Variants in RNF220 observed in about 807,000 individuals in gnomAD.
The protein encoded by RNF220 is ring finger protein 220.
Under a neutral mutation model 67.1 loss-of-function variants are expected in RNF220, and 7 were observed. That is an observed-to-expected ratio of 0.10 (90% CI 0.06 to 0.20). The LOEUF (loss-of-function observed/expected upper bound fraction) is 0.20, where lower values mean the gene tolerates loss of function less well. Among genes scored for constraint, RNF220 ranks in the 10% least tolerant of loss-of-function variants. The probability of loss-of-function intolerance (pLI) is 1.00; values close to 1 mark genes in which losing one functional copy is unlikely to be tolerated. For synonymous variants in RNF220, 270 were observed against 283.2 expected, an observed-to-expected ratio of 0.95 and a Z score of 0.47; for missense variants, 565 against 740.3, an observed-to-expected ratio of 0.76 and a Z score of 2.75.
intron 9 of RNF220, 27 bp downstream of exon 9, chr1:44,644,821 G>A (rs1376940885): frequency 6.3e-7 from 1 of 1,590,028 alleles, no homozygotes; most frequent in Non-Finnish European, 8.6e-7. Flanking sequence ...ATGGGGGCTG[G>A]TGGGGCTGAT....
chr1:44,406,460 G>A (rs1647340026), intron 1 of RNF220, among the ~76,000 whole-genome samples: 2 of 152,256 alleles, frequency 1.3e-5, no homozygotes, highest in Admixed American at 1.3e-4. Context: ...TCGTGGAGAC[G>A]AGGGCTACTT....
chr1:44,480,164 G>T (rs1009730761), intron 2 of RNF220, among the ~76,000 whole-genome samples: 1 of 152,190 alleles, frequency 6.6e-6, no homozygotes, highest in Non-Finnish European at 1.5e-5. Flanking sequence ...AGCACTTTGG[G>T]AGGCCAAGGC....
chr1:44,482,920 C>CTTTTTTTT (rs34268893), intron 2 of RNF220, among the ~76,000 whole-genome samples: 35 of 69,122 alleles, frequency 5.1e-4, no homozygotes, highest in Non-Finnish European at 7.2e-4. Context: ...CACACCCAGC[C>CTTTTTTTT]TTTTTTTTTT....
chr1:44,541,397 C>G (rs1466403900), intron 2 of RNF220, among the ~76,000 whole-genome samples: 1 of 152,190 alleles, frequency 6.6e-6, no homozygotes, highest in Non-Finnish European at 1.5e-5. Flanking sequence ...CACTGCACCC[C>G]AGTCTGGGTG....
At chr1:44,480,378 G>T (rs567744017) in intron 2 of RNF220, among the ~76,000 whole-genome samples, 51 of 152,228 alleles carry the variant, frequency 3.4e-4, no homozygotes, top group African/African-American at 1.2e-3. Flanking sequence ...CTACACTCCA[G>T]CCTGGGCAAC....
chr1:44,549,226 T>C (rs530583687), intron 2 of RNF220, among the ~76,000 whole-genome samples: 3 of 152,268 alleles, frequency 2.0e-5, no homozygotes, highest in South Asian at 2.1e-4. Flanking sequence ...AGCTATGATG[T>C]AGCATTGCAA....
intron 2 of RNF220, among the ~76,000 whole-genome samples, chr1:44,571,942 T>G (rs1280101111): frequency 6.6e-6 from 1 of 152,200 alleles, no homozygotes; most frequent in Admixed American, 6.5e-5. Flanking sequence ...ATCCTACCCT[T>G]AAATAGCTCT....
At chr1:44,633,940 T>C (rs1377818613) in intron 6 of RNF220, among the ~76,000 whole-genome samples, 1 of 152,252 alleles carries the variant, frequency 6.6e-6, no homozygotes, top group Non-Finnish European at 1.5e-5. Flanking sequence ...TCGATCTGTG[T>C]CCACAAAGTC....
At chr1:44,568,044 A>G (rs1293297199) in intron 2 of RNF220, among the ~76,000 whole-genome samples, 2 of 152,206 alleles carry the variant, frequency 1.3e-5, no homozygotes, top group Admixed American at 6.5e-5. Flanking sequence ...CACACAGAGA[A>G]TCAGCGCTGT....
At chr1:44,562,450 G>A (rs767061856) in intron 2 of RNF220, among the ~76,000 whole-genome samples, 3 of 152,128 alleles carry the variant, frequency 2.0e-5, no homozygotes, top group South Asian at 2.1e-4. Context: ...CCTCTGCCTC[G>A]CTGACTTTGG....
At chr1:44,572,940 C>A in intron 2 of RNF220, 2 of 367,430 alleles carry the variant, frequency 5.4e-6, no homozygotes, top group Non-Finnish European at 1.1e-5. Flanking sequence ...AGGTGGAAAT[C>A]ACGTTGAATG....
At position 44,622,277 on chromosome 1, in the gene RNF220, CAG is replaced by C. The variant is rs1643829695; in HGVS notation, c.759-464_759-463del. Among the ~76,000 whole-genome samples the C allele has an allele frequency of 6.6e-6, 1 of 152,186 alleles. No homozygotes were observed. Among genetic ancestry groups the C allele is most frequent in the African/African-American group, 2.4e-5 (1 of 41,438 alleles). Reference sequence around the variant, plus strand: ...AGGGCCTGGGGCTGACAAATTGAATCAGGGGGAGATCATTCCTGGCCTAACAC... The same window carrying C: ...AGGGCCTGGGGCTGACAAATTGAATCGGGGAGATCATTCCTGGCCTAACAC... On this transcript the variant is annotated intron_variant, in intron 3 of 14. Transcript: ENST00000361799. This position sits in a 1 kb window ranked among gnomAD's most constrained non-coding sequence, Gnocchi z 4.3.
intron 2 of RNF220, among the ~76,000 whole-genome samples, chr1:44,528,825 G>A (rs1238513688): frequency 6.7e-6 from 1 of 149,886 alleles, no homozygotes; most frequent in Non-Finnish European, 1.5e-5. Context: ...TGCTTGTCAG[G>A]CTGGTCTTTA....
chr1:44,576,613 C>T (rs892307776), intron 2 of RNF220, among the ~76,000 whole-genome samples: 2 of 152,060 alleles, frequency 1.3e-5, no homozygotes, highest in Non-Finnish European at 2.9e-5. Flanking sequence ...CAGTGTAAAC[C>T]GGATTTGCCT....
At chr1:44,549,768 C>T (rs187473300) in intron 2 of RNF220, among the ~76,000 whole-genome samples, 1 of 152,308 alleles carries the variant, frequency 6.6e-6, no homozygotes, top group Admixed American at 6.5e-5. Flanking sequence ...GCAGGGGCCG[C>T]CTGAATGAGG....
At chr1:44,503,333 CAAAAA>C (rs34103792) in intron 2 of RNF220, among the ~76,000 whole-genome samples, 2 of 84,498 alleles carry the variant, frequency 2.4e-5, no homozygotes, top group Non-Finnish European at 2.2e-5. Flanking sequence ...GATGCTGTCT[CAAAAA>C]AAAAAAAAAA....
At chr1:44,582,204 G>A (rs115493506) in intron 2 of RNF220, among the ~76,000 whole-genome samples, 2,406 of 152,288 alleles carry the variant, frequency 0.016, 84 homozygotes, top group African/African-American at 0.055. Flanking sequence ...AGTAAGCTTG[G>A]ATGAGGGGAA....
At chr1:44,452,449 G>C (rs958990331) in intron 2 of RNF220, among the ~76,000 whole-genome samples, 8 of 152,098 alleles carry the variant, frequency 5.3e-5, no homozygotes, top group African/African-American at 1.9e-4. Context: ...AGCTACTCAG[G>C]AGGCTGAGGC....
rs200686706 is a variant in RNF220 at position 44,649,768 on chromosome 1, T to C, written c.1553T>C (p.Met518Thr). The change falls in exon 13 of 15, where the codon ATG becomes ACG. Residue 518 changes from methionine (M) to threonine (T), a missense_variant and splice_region_variant. Transcript: ENST00000361799. This position sits in a 1 kb window ranked among gnomAD's most constrained non-coding sequence, Gnocchi z 5.9. The stretch of plus-strand genomic sequence containing the variant: ...GACCGTTACAAATGCCTCATCTGCA[T>C]GGTGAGTAGAAAAGAACCTAGGGGT... ...RGDRYKCLIC[M>T]DSYSMPLTSI... 1.5e-4 allele frequency: 244 copies of C among 1,613,842 alleles called. No homozygotes were observed. The highest frequency in any genetic ancestry group is 9.3e-5 in the African/African-American group (7 of 74,874).
Sources: gnomAD v4.1 joint callset for allele counts (sites outside exome capture counted in the v4.1 genomes callset) on GRCh38, gnomAD v4.1.1 for gene constraint, Gnocchi (gnomAD v3.1) non-coding constraint, MANE v1.5 for transcripts, NCBI Gene and HGNC (gene_info 2026-07-23, HGNC 2026-07-21) for gene names.